Variants in BCHE observed in about 807,000 individuals in gnomAD.
The protein encoded by BCHE is cholinesterase.
BCHE carries 48 observed loss-of-function variants against 51.3 expected under a neutral mutation model. That is an observed-to-expected ratio of 0.94 (90% CI 0.74 to 1.19). BCHE has a LOEUF of 1.19. Ranked by LOEUF, BCHE falls within the 50% of genes most tolerant of loss-of-function variation. BCHE has a pLI of 0.00. For missense variants in BCHE, 847 were observed against 708.2 expected, an observed-to-expected ratio of 1.20 and a Z score of -2.23; for synonymous variants, 251 against 238.0, an observed-to-expected ratio of 1.05 and a Z score of -0.50.
At chr3:165,828,036 A>G (rs542832801) in intron 2 of BCHE, 1 of 456,166 alleles carries the variant, frequency 2.2e-6, no homozygotes, top group Admixed American at 2.4e-5. Context: ...GTTCTGTTTC[A>G]AGAACGTAGT....
chr3:165,834,769 T>C (rs1359735667), intron 1 of BCHE, among the ~76,000 whole-genome samples: 7 of 151,728 alleles, frequency 4.6e-5, no homozygotes, highest in Admixed American at 4.6e-4. Context: ...CAACAAAACA[T>C]TATCGTTTTT....
intron 3 of BCHE, among the ~76,000 whole-genome samples, chr3:165,777,111 G>A (rs1461844563): frequency 6.6e-6 from 1 of 151,688 alleles, no homozygotes; most frequent in African/African-American, 2.4e-5. Context: ...ATATTAATAG[G>A]ATTTTAAATC....
intron 2 of BCHE, among the ~76,000 whole-genome samples, chr3:165,822,967 T>A (rs146742943): frequency 6.6e-4 from 101 of 152,224 alleles, no homozygotes; most frequent in African/African-American, 2.3e-3. Context: ...TATGTTGTAC[T>A]GATATTTTCA....
At chr3:165,800,101 A>AT (rs1231943486) in intron 2 of BCHE, among the ~76,000 whole-genome samples, 3 of 151,954 alleles carry the variant, frequency 2.0e-5, no homozygotes, top group Non-Finnish European at 2.9e-5. Context: ...TTTTCTGGGT[A>AT]TTTTTTCCTC....
intron 1 of BCHE, among the ~76,000 whole-genome samples, chr3:165,836,522 T>A (rs899473204): frequency 6.6e-6 from 1 of 152,138 alleles, no homozygotes; most frequent in South Asian, 2.1e-4. Context: ...TTACTTTTAG[T>A]CATTCATAGA....
At chr3:165,788,203 C>A (rs1713030363) in intron 2 of BCHE, among the ~76,000 whole-genome samples, 1 of 151,948 alleles carries the variant, frequency 6.6e-6, no homozygotes. Flanking sequence ...GTATGGTTAT[C>A]AAGAGGCAGA....
chr3:165,777,378 AC>A (rs1013105477), intron 3 of BCHE, among the ~76,000 whole-genome samples: 7 of 151,794 alleles, frequency 4.6e-5, no homozygotes, highest in African/African-American at 1.7e-4. Flanking sequence ...ATTAGTTATC[AC>A]CCCAATAAAG....
intron 2 of BCHE, among the ~76,000 whole-genome samples, chr3:165,795,774 GGAT>G (rs1713352000): frequency 6.6e-6 from 1 of 152,066 alleles, no homozygotes; most frequent in South Asian, 2.1e-4. Context: ...AATTAACTAA[GGAT>G]GATTTCTTGT....
chr3:165,813,587 G>A lies in BCHE; in HGVS notation c.1517+15930C>T, dbSNP rs186512328. On this transcript the variant is annotated intron_variant, in intron 2 of 3. Coordinates refer to ENST00000264381, the MANE Select transcript of BCHE (RefSeq NM_000055.4). ...CAACTGTGATTGAACTTATCATTTC[G>A]ATTCCTTTACTTCAAAATCTTTTCT... Among the ~76,000 whole-genome samples, 10 of 151,702 alleles carry A rather than the reference G, an allele frequency of 6.6e-5. No homozygotes were observed. In the East Asian group the frequency reaches 7.7e-4, roughly 12 times the overall value.
At chr3:165,812,728 TA>T (rs1714149234) in intron 2 of BCHE, among the ~76,000 whole-genome samples, 1 of 151,982 alleles carries the variant, frequency 6.6e-6, no homozygotes, top group Non-Finnish European at 1.5e-5. Context: ...TAGTTTCTCA[TA>T]ATGAAAAAGG....
chr3:165,833,264 C>A (rs1715056648), intron 1 of BCHE, among the ~76,000 whole-genome samples: 1 of 151,946 alleles, frequency 6.6e-6, no homozygotes, highest in Non-Finnish European at 1.5e-5. Context: ...ATAATGTATC[C>A]TTGTCATATG....
At chr3:165,791,789 C>T (rs1271452728) in intron 2 of BCHE, among the ~76,000 whole-genome samples, 1 of 151,738 alleles carries the variant, frequency 6.6e-6, no homozygotes, top group Non-Finnish European at 1.5e-5. Context: ...CCCGTCTCTA[C>T]TGAAAATACA....
At chr3:165,834,337 G>T (rs1365432501) in intron 1 of BCHE, among the ~76,000 whole-genome samples, 2 of 151,924 alleles carry the variant, frequency 1.3e-5, no homozygotes, top group African/African-American at 4.8e-5. Flanking sequence ...TGATATCTGA[G>T]TTATCAACTT....
At position 165,829,956 on chromosome 3, in the gene BCHE, A is replaced by C. The variant is rs201120931; in HGVS notation, c.1078T>G (p.Tyr360Asp). Reference sequence around the variant, plus strand: ...TCTTTGCTGAAGCCAGGAGCACCATAGACTAAAAAAGCTGTCCCTTCATCT... The same window carrying C: ...TCTTTGCTGAAGCCAGGAGCACCATCGACTAAAAAAGCTGTCCCTTCATCT... ...NKDEGTAFLV[Y>D]GAPGFSKDNN... The change falls in exon 2 of 4, where the codon TAT (tyrosine) becomes GAT (aspartate). Residue 360 changes from tyrosine to aspartate, a missense_variant. Tyr to Asp is a radical substitution (Grantham distance 160). Transcript: ENST00000264381. 2 of 1,613,760 alleles carry C rather than the reference A, an allele frequency of 1.2e-6. No homozygotes were observed. The highest frequency in any genetic ancestry group is 1.7e-6 in the Non-Finnish European group (2 of 1,179,864).
intron 2 of BCHE, among the ~76,000 whole-genome samples, chr3:165,800,216 C>T (rs931428259): frequency 1.3e-5 from 2 of 151,966 alleles, no homozygotes; most frequent in African/African-American, 2.4e-5. Context: ...TCTAATCTTC[C>T]ATTCAGTGTT....
In BCHE at chr3:165,829,725, ACTT is replaced by A; in HGVS notation, c.1306_1308del (p.Lys436del). 6.2e-7 allele frequency: 1 copy of A among 1,613,828 alleles called. No homozygotes were observed. Among genetic ancestry groups the A allele is most frequent in the Non-Finnish European group, 8.5e-7 (1 of 1,179,904 alleles). On this transcript the variant is annotated inframe_deletion, in exon 2 of 4. Transcript: ENST00000264381. ...AAGGCATTATTTCCCCATTCTGAGA[ACTT>A]CTTGGTGAACTCCAAGGCAGGGCAT...
chr3:165,796,594 G>A lies in BCHE; in HGVS notation c.1518-10283C>T, dbSNP rs897884748. Among the ~76,000 whole-genome samples, 46 of 152,050 alleles carry A rather than the reference G, an allele frequency of 3.0e-4. 1 individual carries two copies. Among genetic ancestry groups the A allele is most frequent in the Admixed American group, 3.0e-3 (46 of 15,272 alleles). The stretch of plus-strand genomic sequence containing the variant: ...ATCAAAATCTTCACGTATTTTCACC[G>A]TTGCTGAGATGTAGTGTGTTTTTTT... On this transcript the variant is annotated intron_variant, in intron 2 of 3. Coordinates refer to ENST00000264381, the MANE Select transcript of BCHE (RefSeq NM_000055.4).
chr3:165,773,421 G>T lies in BCHE; in HGVS notation c.1770C>A (p.Asn590Lys). The part of the protein sequence containing the change: ...NYMMDWKNQF[N>K]DYTSKKESCV... ...AACTTTCTTTCTTGCTAGTGTAATCGTTAAATTGATTTTTCCAGTCCATCA... is the reference window on the plus strand; with the variant it reads ...AACTTTCTTTCTTGCTAGTGTAATCTTTAAATTGATTTTTCCAGTCCATCA... The change falls in exon 4 of 4, where the codon AAC (asparagine) becomes AAA (lysine). Residue 590 changes from asparagine (N) to lysine (K), a missense_variant. Physicochemically the swap from Asn to Lys is moderately conservative, Grantham distance 94. Transcript: ENST00000264381. The T allele has an allele frequency of 6.2e-7, 1 of 1,610,488 alleles. No individual in the cohort carries two copies. Among genetic ancestry groups the T allele is most frequent in the Non-Finnish European group, 8.5e-7 (1 of 1,177,292 alleles).
chr3:165,791,938 C>T (rs1173567717), intron 2 of BCHE, among the ~76,000 whole-genome samples: 1 of 112,842 alleles, frequency 8.9e-6, no homozygotes, highest in Non-Finnish European at 1.8e-5. Context: ...CGGAGCGAGG[C>T]TCCATCTCAA....
Sources: allele counts gnomAD v4.1 joint callset (sites outside exome capture counted in the v4.1 genomes callset), GRCh38; gene constraint gnomAD v4.1.1; transcripts MANE v1.5; gene names NCBI Gene and HGNC (gene_info 2026-07-23, HGNC 2026-07-21).